SV2C: variants seen among roughly 807,000 people sequenced by gnomAD.
SV2C encodes the protein solute carrier family 22 member B3.
SV2C carries 49 observed loss-of-function variants against 79.7 expected under a neutral mutation model. The ratio of observed to expected loss-of-function variants is 0.61; its 90% CI spans 0.49 to 0.78. SV2C has a LOEUF of 0.78. Ranked by LOEUF, SV2C falls within the 30% of genes least tolerant of loss-of-function variation. The pLI is 0.00. For missense variants in SV2C, 833 were observed against 912.9 expected (o/e 0.91, Z 1.13); for synonymous variants, 334 against 333.2 (o/e 1.00, Z -0.03).
intron 1 of SV2C, among the ~76,000 whole-genome samples, chr5:76,098,921 C>T (rs896031100): frequency 3.3e-5 from 5 of 152,260 alleles, no homozygotes; most frequent in East Asian, 1.9e-4. Flanking sequence ...GGCATTGGAG[C>T]GCTGCCTAAA....
chr5:76,071,779 T>C, the SV2C span, among the ~76,000 whole-genome samples: 1 of 152,220 alleles, frequency 6.6e-6, no homozygotes, highest in Non-Finnish European at 1.5e-5. Context: ...GTTAGAACAC[T>C]AATTTGGAGC....
At chr5:76,049,006 A>AG in the SV2C span, among the ~76,000 whole-genome samples, 8 of 103,320 alleles carry the variant, frequency 7.7e-5, 1 homozygote, top group South Asian at 1.0e-3. Flanking sequence ...AAAGAAAGAA[A>AG]GAAAGAAAGA....
chr5:76,309,050 A>G (rs1748312945), intron 12 of SV2C, among the ~76,000 whole-genome samples: 1 of 152,160 alleles, frequency 6.6e-6, no homozygotes, highest in Non-Finnish European at 1.5e-5. Flanking sequence ...GTTCCATTTA[A>G]TTGAGATCTA....
At chr5:76,182,974 AGAG>A (rs1480702685) in intron 2 of SV2C, among the ~76,000 whole-genome samples, 29 of 127,492 alleles carry the variant, frequency 2.3e-4, no homozygotes, top group Admixed American at 3.3e-4. Flanking sequence ...AGAGAGAGAG[AGAG>A]TAGGGGGAGG....
At chr5:76,045,460 G>T in the SV2C span, among the ~76,000 whole-genome samples, 1 of 152,108 alleles carries the variant, frequency 6.6e-6, no homozygotes, top group African/African-American at 2.4e-5. Context: ...AATGTCAATG[G>T]TCATTTGATG....
chr5:75,980,805 G>A, the SV2C span, among the ~76,000 whole-genome samples: 1 of 152,086 alleles, frequency 6.6e-6, no homozygotes, highest in Non-Finnish European at 1.5e-5. Flanking sequence ...ACCGGCACAA[G>A]GAAAGGATGC....
At chr5:75,861,300 A>G in the SV2C span, among the ~76,000 whole-genome samples, 1 of 152,204 alleles carries the variant, frequency 6.6e-6, no homozygotes, top group African/African-American at 2.4e-5. Flanking sequence ...CAGTATAGCT[A>G]TTATTAAAAA....
At chr5:76,210,106 G>T (rs1057148766) in intron 4 of SV2C, among the ~76,000 whole-genome samples, 1 of 152,180 alleles carries the variant, frequency 6.6e-6, no homozygotes, top group Non-Finnish European at 1.5e-5. Context: ...GTAATGGGGG[G>T]AAAATATTTT....
the SV2C span, among the ~76,000 whole-genome samples, chr5:75,951,625 G>A: frequency 6.6e-6 from 1 of 151,974 alleles, no homozygotes; most frequent in Admixed American, 6.6e-5. Flanking sequence ...TCAATCTAGG[G>A]ATTTACTTGA....
At chr5:75,917,364 G>T in the SV2C span, among the ~76,000 whole-genome samples, 2 of 152,246 alleles carry the variant, frequency 1.3e-5, no homozygotes, top group East Asian at 3.9e-4. Context: ...GTACAAGTTA[G>T]GTTTAGCACT....
intron 1 of SV2C, among the ~76,000 whole-genome samples, chr5:76,120,545 G>C (rs1316426496): frequency 2.5e-5 from 3 of 120,718 alleles, no homozygotes; most frequent in Non-Finnish European, 4.8e-5. Flanking sequence ...AGTCCCCAGT[G>C]TGTGATGTTC....
chr5:76,187,261 G>T (rs1303778307), intron 2 of SV2C, among the ~76,000 whole-genome samples: 2 of 152,338 alleles, frequency 1.3e-5, no homozygotes, highest in African/African-American at 4.8e-5. Flanking sequence ...TTAGAGAATA[G>T]ATTGGGCTTC....
At chr5:76,238,209 C>T (rs569818357) in intron 4 of SV2C, among the ~76,000 whole-genome samples, 235 of 152,124 alleles carry the variant, frequency 1.5e-3, no homozygotes, top group Non-Finnish European at 2.8e-3. Flanking sequence ...TTTTTATTCT[C>T]CTTTCTAGGA....
At chr5:76,129,913 G>C (rs1748824140) in intron 1 of SV2C, among the ~76,000 whole-genome samples, 1 of 152,040 alleles carries the variant, frequency 6.6e-6, no homozygotes, top group Non-Finnish European at 1.5e-5. Context: ...TCAATGGATA[G>C]GATGGCAGTT....
the SV2C span, among the ~76,000 whole-genome samples, chr5:75,908,869 G>A: frequency 6.6e-6 from 1 of 152,156 alleles, no homozygotes; most frequent in African/African-American, 2.4e-5. Flanking sequence ...GCATAATCGT[G>A]TATAATAAAC....
intron 2 of SV2C, among the ~76,000 whole-genome samples, chr5:76,142,897 C>CTTTAACTTTTTT (rs1749302047): frequency 9.6e-6 from 1 of 103,888 alleles, no homozygotes; most frequent in African/African-American, 2.9e-5. Context: ...TCAACTTTTT[C>CTTTAACTTTTTT]TTTTCCTTTT....
intron 2 of SV2C, among the ~76,000 whole-genome samples, chr5:76,182,313 T>C (rs1055327350): frequency 3.3e-5 from 5 of 152,198 alleles, no homozygotes; most frequent in Non-Finnish European, 7.3e-5. Context: ...AATTTTGTTA[T>C]GACCTATCCC....
the SV2C span, among the ~76,000 whole-genome samples, chr5:75,991,782 A>T: frequency 2.0e-5 from 3 of 151,676 alleles, no homozygotes; most frequent in African/African-American, 7.3e-5. Context: ...CTTTAGTATG[A>T]TCCAGTAATT....
chr5:75,893,715 A>G, the SV2C span, among the ~76,000 whole-genome samples: 1 of 152,098 alleles, frequency 6.6e-6, no homozygotes, highest in African/African-American at 2.4e-5. Context: ...CCATGTAACA[A>G]ATGTGTACAT....
Sources: gnomAD v4.1 joint callset for allele counts (sites outside exome capture counted in the v4.1 genomes callset) on GRCh38, gnomAD v4.1.1 for gene constraint, MANE v1.5 for transcripts, NCBI Gene and HGNC (gene_info 2026-07-23, HGNC 2026-07-21) for gene names.